CPNE4: variants seen among roughly 807,000 people sequenced by gnomAD.
The protein encoded by CPNE4 is copine-4.
A neutral mutation model predicts 67.9 loss-of-function variants in CPNE4; 25 were observed. The observed-to-expected ratio is 0.37, with a 90% CI of 0.27 to 0.51. CPNE4 has a LOEUF of 0.51. Among genes scored for constraint, CPNE4 ranks in the 20% least tolerant of loss-of-function variants. The pLI, the probability that CPNE4 is intolerant of heterozygous loss-of-function variation, is 0.93. For missense variants in CPNE4, 464 were observed against 690.8 expected (o/e 0.67, Z 3.68); for synonymous variants, 242 against 244.9 (o/e 0.99, Z 0.11).
At chr3:131,792,704 C>T (rs765588166) in intron 2 of CPNE4, among the ~76,000 whole-genome samples, 1,524 of 71,580 alleles carry the variant, frequency 0.021, 166 homozygotes, top group African/African-American at 0.095. Context: ...TACATATACA[C>T]ACACGTGTAT....
chr3:131,805,807 G>A (rs1315744737), intron 2 of CPNE4, among the ~76,000 whole-genome samples: 1 of 152,176 alleles, frequency 6.6e-6, no homozygotes. Flanking sequence ...CACTTCCACT[G>A]TGCCCTACTG....
At chr3:131,943,796 A>C (rs952776615) in intron 1 of CPNE4, among the ~76,000 whole-genome samples, 7 of 152,038 alleles carry the variant, frequency 4.6e-5, no homozygotes, top group African/African-American at 7.2e-5. Context: ...ATAAAGTCTA[A>C]ATTGTTTAGT....
intron 7 of CPNE4, among the ~76,000 whole-genome samples, chr3:131,640,365 G>C (rs1480661755): frequency 6.6e-6 from 1 of 151,998 alleles, no homozygotes; most frequent in Admixed American, 6.6e-5. Flanking sequence ...TACACCAGCA[G>C]TGACCAAGCT....
At chr3:131,715,938 C>T (rs753444431) in intron 3 of CPNE4, among the ~76,000 whole-genome samples, 1 of 152,114 alleles carries the variant, frequency 6.6e-6, no homozygotes, top group Non-Finnish European at 1.5e-5. Flanking sequence ...TCAAAACTTA[C>T]CCAGAAAGAG....
chr3:131,956,236 A>C (rs2071967090), intron 1 of CPNE4, among the ~76,000 whole-genome samples: 1 of 152,124 alleles, frequency 6.6e-6, no homozygotes, highest in Non-Finnish European at 1.5e-5. Context: ...ATTAGAGTTG[A>C]TGCCTTTTTT....
chr3:131,943,921 C>T (rs945648323), intron 1 of CPNE4, among the ~76,000 whole-genome samples: 5 of 152,108 alleles, frequency 3.3e-5, no homozygotes, highest in African/African-American at 7.2e-5. Context: ...TTTCTGAGGG[C>T]CTCAGATATC....
chr3:131,930,253 C>T (rs955832730), intron 1 of CPNE4, among the ~76,000 whole-genome samples: 8 of 152,028 alleles, frequency 5.3e-5, no homozygotes, highest in African/African-American at 1.9e-4. Context: ...CATCAAGGGA[C>T]ATTGCAGTAA....
chr3:131,801,137 A>C (rs2084085231), intron 2 of CPNE4, among the ~76,000 whole-genome samples: 1 of 151,866 alleles, frequency 6.6e-6, no homozygotes, highest in South Asian at 2.1e-4. Flanking sequence ...GGTAGCCTCC[A>C]TCATTTTTTC....
At chr3:131,636,492 T>G (rs930768968) in intron 7 of CPNE4, among the ~76,000 whole-genome samples, 2 of 152,130 alleles carry the variant, frequency 1.3e-5, no homozygotes, top group Non-Finnish European at 2.9e-5. Flanking sequence ...CAGCAAGCCC[T>G]GCCCAAAGAG....
chr3:131,953,239 TAAAAAAAAA>T (rs1167094357), intron 1 of CPNE4, among the ~76,000 whole-genome samples: 19 of 97,126 alleles, frequency 2.0e-4, no homozygotes, highest in East Asian at 7.3e-4. Flanking sequence ...AATGATCAAT[TAAAAAAAAA>T]AAAAAAAAAA....
chr3:131,717,884 T>TTC (rs1491086785), intron 3 of CPNE4, among the ~76,000 whole-genome samples: 158 of 13,094 alleles, frequency 0.012, 4 homozygotes, highest in African/African-American at 0.052. Context: ...TTTTCTTTCT[T>TTC]TCTTTCTTTC....
intron 2 of CPNE4, among the ~76,000 whole-genome samples, chr3:131,863,398 A>T (rs903527148): frequency 1.3e-5 from 2 of 152,206 alleles, no homozygotes; most frequent in East Asian, 3.9e-4. Context: ...AATGATCGCC[A>T]TTCTAACTGG....
At chr3:132,024,810 C>T (rs777133015) in intron 1 of CPNE4, among the ~76,000 whole-genome samples, 1 of 152,094 alleles carries the variant, frequency 6.6e-6, no homozygotes, top group South Asian at 2.1e-4. Flanking sequence ...AGGTACCTGG[C>T]AGATGGCAAA....
Position 131,977,257 on chromosome 3 carries a change from C to T in CPNE4, c.-2+57310G>A, listed in dbSNP as rs912537766. On this transcript the variant is annotated intron_variant, in intron 1 of 15. Coordinates refer to ENST00000429747, the MANE Select transcript of CPNE4 (RefSeq NM_130808.3). Reference sequence around the variant, plus strand: ...GGGTAAAGGAGACACAGTGAGAGGGCTCCAAAGTTGCACTTAAATTGTTTC... The same window carrying T: ...GGGTAAAGGAGACACAGTGAGAGGGTTCCAAAGTTGCACTTAAATTGTTTC... Among the ~76,000 whole-genome samples, 7 of 152,136 alleles carry T rather than the reference C, an allele frequency of 4.6e-5. No homozygotes were observed. In the South Asian group the frequency reaches 1.5e-3, roughly 32 times the overall value.
At chr3:131,803,057 C>G (rs774737245) in intron 2 of CPNE4, among the ~76,000 whole-genome samples, 2 of 152,048 alleles carry the variant, frequency 1.3e-5, no homozygotes, top group Non-Finnish European at 2.9e-5. Flanking sequence ...AATTCAGTTT[C>G]CAGGGAGGTA....
chr3:131,757,508 G>C (rs1344180754), intron 2 of CPNE4, among the ~76,000 whole-genome samples: 7 of 152,190 alleles, frequency 4.6e-5, no homozygotes, highest in Non-Finnish European at 1.0e-4. Flanking sequence ...CGTGGGTGCT[G>C]TTAAAGGCAT....
At chr3:132,006,655 A>ATTTTTT (rs113475309) in intron 1 of CPNE4, among the ~76,000 whole-genome samples, 19 of 149,638 alleles carry the variant, frequency 1.3e-4, no homozygotes, top group African/African-American at 2.7e-4. Context: ...CTTTCTTTCC[A>ATTTTTT]TTTTTTTTTG....
chr3:131,718,574 C>T (rs1260932939), intron 3 of CPNE4, among the ~76,000 whole-genome samples: 1 of 152,124 alleles, frequency 6.6e-6, no homozygotes, highest in Non-Finnish European at 1.5e-5. Flanking sequence ...TGGTGAATTC[C>T]TACTTATCCT....
At chr3:131,974,390 G>C (rs551710364) in intron 1 of CPNE4, among the ~76,000 whole-genome samples, 1 of 152,080 alleles carries the variant, frequency 6.6e-6, no homozygotes, top group East Asian at 1.9e-4. Flanking sequence ...CATACAATGT[G>C]CACATACACA....
Sources: gnomAD v4.1 joint callset for allele counts (sites outside exome capture counted in the v4.1 genomes callset) on GRCh38, gnomAD v4.1.1 for gene constraint, MANE v1.5 for transcripts, NCBI Gene and HGNC (gene_info 2026-07-23, HGNC 2026-07-21) for gene names.